The following SYN3 variants were observed in gnomAD, a reference collection of about 807,000 sequenced individuals.
The protein encoded by SYN3 is synapsin III.
Under a neutral mutation model 65.8 loss-of-function variants are expected in SYN3, and 35 were observed. The ratio of observed to expected loss-of-function variants is 0.53; its 90% CI spans 0.41 to 0.70. The LOEUF (loss-of-function observed/expected upper bound fraction) is 0.70. SYN3 is among the 30% of genes least tolerant of loss of function. SYN3 has a pLI of 0.00. For synonymous variants in SYN3, 270 were observed against 292.9 expected (o/e 0.92, Z 0.80); for missense variants, 680 against 749.0 (o/e 0.91, Z 1.08).
chr22:33,030,660 CAGAG>C (rs567060689), intron 1 of SYN3, among the ~76,000 whole-genome samples: 10 of 145,860 alleles, frequency 6.9e-5, no homozygotes, highest in South Asian at 2.2e-4. Context: ...CTGATAGAGA[CAGAG>C]AGAGAGAGAG....
chr22:32,678,778 G>A (rs1323494397), intron 6 of SYN3, among the ~76,000 whole-genome samples: 1 of 151,884 alleles, frequency 6.6e-6, no homozygotes, highest in African/African-American at 2.4e-5. Flanking sequence ...AACTCTTATG[G>A]TTTTTCTTCT....
At chr22:32,972,763 CAGG>C (rs1332774855) in intron 3 of SYN3, among the ~76,000 whole-genome samples, 1 of 152,010 alleles carries the variant, frequency 6.6e-6, no homozygotes, top group Non-Finnish European at 1.5e-5. Flanking sequence ...GAGGCCCAGG[CAGG>C]AGGATTGCTT....
chr22:33,028,322 T>G (rs1487693079), intron 1 of SYN3, among the ~76,000 whole-genome samples: 2 of 152,170 alleles, frequency 1.3e-5, no homozygotes, highest in Non-Finnish European at 2.9e-5. Flanking sequence ...TCACAGCTCC[T>G]TCCTCCTCAG....
intron 6 of SYN3, among the ~76,000 whole-genome samples, chr22:32,610,603 A>C (rs2059428921): frequency 6.9e-6 from 1 of 145,768 alleles, no homozygotes; most frequent in Admixed American, 6.9e-5. Flanking sequence ...TTGTTTTGAG[A>C]CAACGTTTTG....
chr22:32,590,114 T>A (rs1252007778), intron 7 of SYN3, among the ~76,000 whole-genome samples: 1 of 152,184 alleles, frequency 6.6e-6, no homozygotes, highest in African/African-American at 2.4e-5. Context: ...AACTAGAACT[T>A]TGCCCACTTC....
intron 1 of SYN3, among the ~76,000 whole-genome samples, chr22:33,052,270 A>G (rs371311435): frequency 1.3e-5 from 2 of 152,352 alleles, no homozygotes; most frequent in East Asian, 3.9e-4. Context: ...GCTCAGAAGC[A>G]GGTGGCAGTT....
intron 3 of SYN3, among the ~76,000 whole-genome samples, chr22:32,968,820 C>A (rs1375613018): frequency 6.6e-6 from 1 of 151,752 alleles, no homozygotes; most frequent in Non-Finnish European, 1.5e-5. Flanking sequence ...TTGGCCACTG[C>A]CTTCAATGTC....
chr22:32,602,171 G>A (rs2858739), intron 6 of SYN3, among the ~76,000 whole-genome samples: 7,884 of 152,116 alleles, frequency 0.052, 714 homozygotes, highest in African/African-American at 0.18. Context: ...TATACCATAA[G>A]TGTTTTCTTA....
intron 2 of SYN3, among the ~76,000 whole-genome samples, chr22:32,994,044 G>A (rs1247780159): frequency 6.6e-6 from 1 of 152,124 alleles, no homozygotes; most frequent in Non-Finnish European, 1.5e-5. Flanking sequence ...CCCCGAAAGA[G>A]CTGGGTAGGA....
At chr22:32,780,352 CA>C (rs2046010578) in intron 6 of SYN3, among the ~76,000 whole-genome samples, 1 of 152,118 alleles carries the variant, frequency 6.6e-6, no homozygotes, top group African/African-American at 2.4e-5. Context: ...GGTGATCGGA[CA>C]ACTGCTGTAG....
At chr22:32,758,681 C>CATATATATATATATATATATATAT (rs71187211) in intron 6 of SYN3, among the ~76,000 whole-genome samples, 494 of 32,894 alleles carry the variant, frequency 0.015, 87 homozygotes, top group Non-Finnish European at 0.017. Context: ...TTACTAAACT[C>CATATATATATATATATATATATAT]ATATATATAT....
intron 6 of SYN3, among the ~76,000 whole-genome samples, chr22:32,827,635 C>T (rs958942634): frequency 2.0e-5 from 3 of 152,166 alleles, no homozygotes; most frequent in Non-Finnish European, 4.4e-5. Context: ...CTTTCTCCAA[C>T]AAGTAGACAG....
chr22:33,040,956 C>T (rs548334179), intron 1 of SYN3, among the ~76,000 whole-genome samples: 8 of 152,106 alleles, frequency 5.3e-5, no homozygotes, highest in African/African-American at 1.9e-4. Flanking sequence ...TGCTCTGTTG[C>T]CAGGCTGGAG....
chr22:32,621,606 G>T (rs541196307), intron 6 of SYN3, among the ~76,000 whole-genome samples: 2 of 152,270 alleles, frequency 1.3e-5, no homozygotes, highest in South Asian at 2.1e-4. Flanking sequence ...TGCACCTGGT[G>T]CTGGGAACTG....
intron 4 of SYN3, among the ~76,000 whole-genome samples, chr22:32,927,183 G>C (rs1435659398): frequency 6.6e-6 from 1 of 151,950 alleles, no homozygotes; most frequent in Non-Finnish European, 1.5e-5. Flanking sequence ...GTTATATTGG[G>C]TGTAAATCAA....
intron 4 of SYN3, among the ~76,000 whole-genome samples, chr22:32,900,074 C>CA (rs1304834320): frequency 0.13 from 504 of 3,954 alleles, 216 homozygotes; most frequent in African/African-American, 0.26. Flanking sequence ...GACTCCGTCT[C>CA]AAAAAAAAAA....
intron 2 of SYN3, among the ~76,000 whole-genome samples, chr22:32,986,288 G>A (rs972392529): frequency 1.3e-5 from 2 of 152,080 alleles, no homozygotes; most frequent in Non-Finnish European, 1.5e-5. Context: ...GCCAACCTTC[G>A]CAACTGGCAT....
intron 6 of SYN3, among the ~76,000 whole-genome samples, chr22:32,757,944 A>T (rs1027966229): frequency 6.6e-6 from 1 of 152,226 alleles, no homozygotes; most frequent in Non-Finnish European, 1.5e-5. Context: ...AGAAGGCAAT[A>T]TCAATACCAG....
chr22:32,713,762 C>CGG (rs1205271801), intron 6 of SYN3, among the ~76,000 whole-genome samples: 8 of 149,876 alleles, frequency 5.3e-5, no homozygotes, highest in Admixed American at 1.3e-4. Context: ...ACCCGGGAGG[C>CGG]AACGCTTGCA....
Sources: gnomAD v4.1 joint callset for allele counts (sites outside exome capture counted in the v4.1 genomes callset) on GRCh38, gnomAD v4.1.1 for gene constraint, MANE v1.5 for transcripts, NCBI Gene and HGNC (gene_info 2026-07-23, HGNC 2026-07-21) for gene names.